The following DNAAF11 variants were observed in gnomAD, a reference collection of about 807,000 sequenced individuals.
DNAAF11 encodes the protein leucine rich repeat containing 6.
A neutral mutation model predicts 60.8 loss-of-function variants in DNAAF11; 45 were observed. The ratio of observed to expected loss-of-function variants is 0.74; its 90% CI spans 0.58 to 0.95. The LOEUF is 0.95. DNAAF11 is among the 40% of genes least tolerant of loss of function. The pLI, the probability that DNAAF11 is intolerant of heterozygous loss-of-function variation, is 0.00. For synonymous variants in DNAAF11, 191 were observed against 183.5 expected (o/e 1.04, Z -0.33); for missense variants, 546 against 546.2 (o/e 1.00, Z 0.00).
chr8:132,613,250 G>A (rs1818837970), intron 8 of DNAAF11, among the ~76,000 whole-genome samples: 1 of 152,188 alleles, frequency 6.6e-6, no homozygotes, highest in Non-Finnish European at 1.5e-5. Flanking sequence ...GCTAGCCCTG[G>A]TACACAAGAG....
At chr8:132,644,421 G>A (rs10087947) in intron 3 of DNAAF11, among the ~76,000 whole-genome samples, 17 of 152,172 alleles carry the variant, frequency 1.1e-4, no homozygotes, top group African/African-American at 3.1e-4. Flanking sequence ...CAGCATGAGC[G>A]ACACAGAAGA....
Position 132,570,945 on chromosome 8 carries a change from T to C in DNAAF11, c.*1361A>G, listed in dbSNP as rs1312169527. 1.3e-5 allele frequency among the ~76,000 whole-genome samples: 2 copies of C among 152,212 alleles called. No individual in the cohort carries two copies. Among genetic ancestry groups the C allele is most frequent in the Non-Finnish European group, 2.9e-5 (2 of 68,020 alleles). On this transcript the variant is annotated 3_prime_UTR_variant, in exon 12 of 12. Coordinates refer to ENST00000620350, the MANE Select transcript of DNAAF11 (RefSeq NM_012472.6). ...CAGATTCTGTGCAAGTTCTGAATTG[T>C]CTACCTGTACCAGTGCTTCTTCTTC...
chr8:132,602,106 C>CTGT, intron 10 of DNAAF11, among the ~76,000 whole-genome samples: 1 of 152,166 alleles, frequency 6.6e-6, no homozygotes, highest in Non-Finnish European at 1.5e-5. Context: ...CTCTCTTCAG[C>CTGT]TATGTCTAAT....
chr8:132,641,354 C>T (rs909927269), intron 3 of DNAAF11, among the ~76,000 whole-genome samples: 1 of 152,176 alleles, frequency 6.6e-6, no homozygotes, highest in Non-Finnish European at 1.5e-5. Context: ...CATCCTTTGT[C>T]ATACTTGATG....
At chr8:132,665,225 GAAC>G (rs1824516933) in intron 1 of DNAAF11, among the ~76,000 whole-genome samples, 1 of 151,888 alleles carries the variant, frequency 6.6e-6, no homozygotes, top group Admixed American at 6.6e-5. Flanking sequence ...GCAAACATCA[GAAC>G]AAAAACCAGA....
At chr8:132,595,452 G>A (rs1022407044) in intron 10 of DNAAF11, among the ~76,000 whole-genome samples, 3 of 147,544 alleles carry the variant, frequency 2.0e-5, no homozygotes, top group East Asian at 2.0e-4. Context: ...CTTGTACACA[G>A]CCTTCTGGGC....
chr8:132,685,145 C>T, the DNAAF11 span: 1 of 152,134 alleles, frequency 6.6e-6, no homozygotes, highest in African/African-American at 2.4e-5. Flanking sequence ...GAAACATATC[C>T]ACTAATTTAA....
intron 10 of DNAAF11, among the ~76,000 whole-genome samples, chr8:132,590,744 G>A (rs1816378109): frequency 6.6e-6 from 1 of 152,134 alleles, no homozygotes; most frequent in Admixed American, 6.5e-5. Context: ...AACAGTCCTA[G>A]CTGATACTGC....
At chr8:132,669,660 T>C (rs1824982015) in intron 1 of DNAAF11, among the ~76,000 whole-genome samples, 1 of 152,134 alleles carries the variant, frequency 6.6e-6, no homozygotes, top group Admixed American at 6.5e-5. Context: ...GGACCAGTAC[T>C]TCATCATAAG....
At chr8:132,635,891 T>C (rs1821244782) in intron 4 of DNAAF11, among the ~76,000 whole-genome samples, 1 of 152,044 alleles carries the variant, frequency 6.6e-6, no homozygotes, top group Non-Finnish European at 1.5e-5. Flanking sequence ...GGGTAATGTG[T>C]CTACAAGCTC....
intron 11 of DNAAF11, among the ~76,000 whole-genome samples, chr8:132,573,366 G>T (rs1814420064): frequency 6.6e-6 from 1 of 152,130 alleles, no homozygotes. Flanking sequence ...GGAAACCACG[G>T]TCTGTGCAAA....
chr8:132,696,161 G>A, the DNAAF11 span, among the ~76,000 whole-genome samples: 3 of 152,134 alleles, frequency 2.0e-5, no homozygotes, highest in Admixed American at 1.3e-4. Context: ...CAGAGAAAGT[G>A]GGTTGCCAGG....
chr8:132,590,662 T>C (rs1450735606), intron 10 of DNAAF11, among the ~76,000 whole-genome samples: 2 of 152,300 alleles, frequency 1.3e-5, no homozygotes, highest in South Asian at 2.1e-4. Flanking sequence ...TTAGAATCTG[T>C]AGATAGTGGC....
At chr8:132,655,344 T>C (rs1208049121) in intron 3 of DNAAF11, among the ~76,000 whole-genome samples, 1 of 152,062 alleles carries the variant, frequency 6.6e-6, no homozygotes, top group East Asian at 1.9e-4. Context: ...TTAACACAAA[T>C]TTTTTACAAG....
chr8:132,616,992 A>G (rs780664816), intron 7 of DNAAF11, among the ~76,000 whole-genome samples: 3 of 152,168 alleles, frequency 2.0e-5, no homozygotes, highest in Non-Finnish European at 2.9e-5. Context: ...GGCATTTCAC[A>G]GGAAGGAAAG....
chr8:132,611,530 G>A (rs1186026474), intron 8 of DNAAF11, among the ~76,000 whole-genome samples, 167 bp from the exon 9 acceptor site: 2 of 152,048 alleles, frequency 1.3e-5, no homozygotes, highest in African/African-American at 4.8e-5. Context: ...CCAGACCAAA[G>A]GAAATTCAAT....
At chr8:132,669,940 C>CAAAAAAAAAAAAAAAAA (rs35402875) in intron 1 of DNAAF11, among the ~76,000 whole-genome samples, 2 of 69,786 alleles carry the variant, frequency 2.9e-5, no homozygotes, top group African/African-American at 8.0e-5. Flanking sequence ...GACTCCGTCT[C>CAAAAAAAAAAAAAAAAA]AAAAAAAAAA....
intron 1 of DNAAF11, among the ~76,000 whole-genome samples, chr8:132,673,734 T>G (rs1447885685): frequency 6.6e-6 from 1 of 152,030 alleles, no homozygotes; most frequent in Admixed American, 6.6e-5. Flanking sequence ...TCCACCCACC[T>G]TGGGGTTAGG....
chr8:132,578,468 C>A lies in DNAAF11; in HGVS notation c.1226+5226G>T, dbSNP rs1408310707. On this transcript the variant is annotated intron_variant, in intron 11 of 11. Transcript: ENST00000620350. ...GGACGGACGCCCATCACTGGTCTTA[C>A]CCACGACCTGACTGTCAGAAACATC... 3 of 1,533,392 alleles carry A rather than the reference C, an allele frequency of 2.0e-6. No individual in the cohort carries two copies. In the African/African-American group the frequency reaches 4.1e-5, roughly 21 times the overall value. 95.0% of individuals were successfully genotyped at this position (1,533,392 alleles called of 1,614,324 possible).
Sources: allele counts gnomAD v4.1 joint callset (sites outside exome capture counted in the v4.1 genomes callset), GRCh38; gene constraint gnomAD v4.1.1; transcripts MANE v1.5; gene names NCBI Gene and HGNC (gene_info 2026-07-23, HGNC 2026-07-21).